The following MAMDC2 variants were observed in gnomAD, a reference collection of about 807,000 sequenced individuals.
MAMDC2 encodes MAM domain containing 2.
Under a neutral mutation model 89.8 loss-of-function variants are expected in MAMDC2, and 57 were observed. That is an observed-to-expected ratio of 0.63 (90% CI 0.51 to 0.79). MAMDC2 has a LOEUF of 0.79. MAMDC2 is among the 30% of genes least tolerant of loss of function. The probability of loss-of-function intolerance (pLI) is 0.00; values close to 1 mark genes in which losing one functional copy is unlikely to be tolerated. For synonymous variants in MAMDC2, 313 were observed against 293.4 expected (o/e 1.07, Z -0.68); for missense variants, 800 against 820.6 (o/e 0.97, Z 0.31).
chr9:70,168,361 G>A (rs756312479), intron 9 of MAMDC2, among the ~76,000 whole-genome samples: 7 of 152,050 alleles, frequency 4.6e-5, no homozygotes, highest in Non-Finnish European at 1.0e-4. Context: ...GCATGGTGAC[G>A]GGTGTCCGTA....
chr9:70,212,008 C>A (rs1321867962), intron 11 of MAMDC2, among the ~76,000 whole-genome samples: 1 of 152,188 alleles, frequency 6.6e-6, no homozygotes, highest in East Asian at 1.9e-4. Flanking sequence ...CAGAGGGGCA[C>A]CCAGCTGTAT....
chr9:70,204,159 G>C (rs962284861), intron 11 of MAMDC2, among the ~76,000 whole-genome samples: 4 of 150,794 alleles, frequency 2.7e-5, no homozygotes. Context: ...CAGTTTTTCT[G>C]TTCTGTTTTT....
At chr9:70,052,541 T>C (rs1182543920) in intron 2 of MAMDC2, among the ~76,000 whole-genome samples, 1 of 152,182 alleles carries the variant, frequency 6.6e-6, no homozygotes, top group East Asian at 1.9e-4. Flanking sequence ...CATGGCTCTC[T>C]GCACTTTCCA....
intron 2 of MAMDC2, among the ~76,000 whole-genome samples, chr9:70,052,936 C>T (rs1357095376): frequency 6.6e-6 from 1 of 152,202 alleles, no homozygotes; most frequent in Non-Finnish European, 1.5e-5. Context: ...GGATTATTTA[C>T]CCATCAGGGA....
chr9:70,186,521 A>C (rs1265755097), intron 11 of MAMDC2, among the ~76,000 whole-genome samples: 4 of 152,222 alleles, frequency 2.6e-5, no homozygotes, highest in Non-Finnish European at 5.9e-5. Flanking sequence ...GTCAGATGTC[A>C]GTCCTAAAAT....
At chr9:70,081,795 T>C (rs1112232) in intron 2 of MAMDC2, 2 of 151,894 alleles carry the variant, frequency 1.3e-5, no homozygotes, top group South Asian at 4.1e-4. Context: ...ATAGTCATCA[T>C]ATGAGCTAGC....
At chr9:70,046,639 C>T (rs1826760994) in intron 2 of MAMDC2, among the ~76,000 whole-genome samples, 1 of 152,226 alleles carries the variant, frequency 6.6e-6, no homozygotes, top group Admixed American at 6.5e-5. Flanking sequence ...TGCCCCAGGA[C>T]AGCAGTTAAA....
At chr9:70,209,634 T>C (rs2033307853) in intron 11 of MAMDC2, among the ~76,000 whole-genome samples, 1 of 152,218 alleles carries the variant, frequency 6.6e-6, no homozygotes, top group African/African-American at 2.4e-5. Flanking sequence ...CTCTATCTCT[T>C]TCAGTTCCGC....
At chr9:70,216,939 C>A (rs1221712474) in intron 11 of MAMDC2, among the ~76,000 whole-genome samples, 1 of 152,146 alleles carries the variant, frequency 6.6e-6, no homozygotes, top group Non-Finnish European at 1.5e-5. Context: ...CCCATCATGG[C>A]CCAGTTCCAG....
chr9:70,166,262 A>AATATATATAT (rs371331801), intron 9 of MAMDC2, among the ~76,000 whole-genome samples: 8 of 134,488 alleles, frequency 5.9e-5, no homozygotes, highest in African/African-American at 2.2e-4. Flanking sequence ...ACAAAACAGA[A>AATATATATAT]ATATATATAT....
chr9:70,123,853 C>CA (rs1244086880), intron 5 of MAMDC2, among the ~76,000 whole-genome samples: 2 of 152,200 alleles, frequency 1.3e-5, no homozygotes, highest in Admixed American at 6.5e-5. Context: ...AGGCCCAGAA[C>CA]AAATCCTTCC....
intron 6 of MAMDC2, among the ~76,000 whole-genome samples, chr9:70,130,442 G>A (rs2030753832): frequency 6.6e-6 from 1 of 151,556 alleles, no homozygotes; most frequent in Non-Finnish European, 1.5e-5. Flanking sequence ...GTCTTCTCAG[G>A]TTATTAACTC....
chr9:70,141,526 G>A (rs1361731500), intron 8 of MAMDC2, among the ~76,000 whole-genome samples: 1 of 152,142 alleles, frequency 6.6e-6, no homozygotes, highest in Non-Finnish European at 1.5e-5. Flanking sequence ...TGCTGTCAGG[G>A]AGGAAAAACT....
chr9:70,193,810 T>C (rs976890158), intron 11 of MAMDC2, among the ~76,000 whole-genome samples: 4 of 152,122 alleles, frequency 2.6e-5, no homozygotes, highest in Non-Finnish European at 5.9e-5. Flanking sequence ...TCTGAAGATA[T>C]ACCTGTATTT....
intron 11 of MAMDC2, among the ~76,000 whole-genome samples, chr9:70,211,603 C>T (rs185933630): frequency 9.2e-4 from 140 of 151,970 alleles, no homozygotes; most frequent in African/African-American, 3.0e-3. Flanking sequence ...TATTACCGAT[C>T]GTCTGAAGCC....
chr9:70,126,439 C>CTGT (rs1371846922), intron 6 of MAMDC2, 24 bp downstream of exon 6: 3 of 1,599,290 alleles, frequency 1.9e-6, no homozygotes, highest in Non-Finnish European at 2.6e-6. Context: ...TGCGCACCAG[C>CTGT]TGTTCACTGG....
chr9:70,068,626 C>T (rs1159111141), intron 2 of MAMDC2, among the ~76,000 whole-genome samples: 2 of 148,502 alleles, frequency 1.3e-5, no homozygotes, highest in African/African-American at 4.9e-5. Context: ...ACTCGGGAGG[C>T]TGAGGCAGGA....
intron 11 of MAMDC2, among the ~76,000 whole-genome samples, chr9:70,183,981 T>C (rs2032697733): frequency 6.6e-6 from 1 of 152,188 alleles, no homozygotes; most frequent in Admixed American, 6.5e-5. Flanking sequence ...AGTGTTGATG[T>C]TCTTTACAAT....
intron 7 of MAMDC2, among the ~76,000 whole-genome samples, chr9:70,134,441 T>G (rs1278290837): frequency 1.3e-5 from 2 of 151,844 alleles, no homozygotes; most frequent in African/African-American, 4.8e-5. Context: ...AATCTTTGAA[T>G]GCCTAAGAGG....
Sources: gnomAD v4.1 joint callset for allele counts (sites outside exome capture counted in the v4.1 genomes callset) on GRCh38, gnomAD v4.1.1 for gene constraint, MANE v1.5 for transcripts, NCBI Gene and HGNC (gene_info 2026-07-23, HGNC 2026-07-21) for gene names.